Variants in SOX5 observed in about 807,000 individuals in gnomAD.
SOX5 encodes the protein transcription factor SOX-5.
Under a neutral mutation model 92.0 loss-of-function variants are expected in SOX5, and 9 were observed. The ratio of observed to expected loss-of-function variants is 0.10; its 90% CI spans 0.06 to 0.17. SOX5 has a LOEUF of 0.17. Ranked by LOEUF, SOX5 falls within the 10% of genes least tolerant of loss-of-function variation. SOX5 has a pLI of 1.00. For missense variants in SOX5, 642 were observed against 944.5 expected, an observed-to-expected ratio of 0.68 and a Z score of 4.20; for synonymous variants, 344 against 336.3, an observed-to-expected ratio of 1.02 and a Z score of -0.25.
intron 3 of SOX5, among the ~76,000 whole-genome samples, chr12:23,782,167 T>C (rs2095293843): frequency 1.3e-5 from 2 of 152,078 alleles, no homozygotes. Context: ...AAACAAACTA[T>C]AGAGCTATAA....
chr12:24,267,436 A>G (rs977071828), intron 3 of SOX5, among the ~76,000 whole-genome samples: 3 of 152,206 alleles, frequency 2.0e-5, no homozygotes, highest in African/African-American at 4.8e-5. Flanking sequence ...AACACAATTC[A>G]TAATTATGAA....
chr12:23,560,103 G>T (rs1280012104), intron 11 of SOX5, among the ~76,000 whole-genome samples: 1 of 152,082 alleles, frequency 6.6e-6, no homozygotes, highest in Non-Finnish European at 1.5e-5. Flanking sequence ...TAGAGACAAG[G>T]TTTCACCACG....
chr12:23,982,093 A>G (rs1949625264), intron 4 of SOX5, among the ~76,000 whole-genome samples: 1 of 152,196 alleles, frequency 6.6e-6, no homozygotes, highest in South Asian at 2.1e-4. Context: ...TCTCCTTGAG[A>G]AGGAATTGGG....
intron 6 of SOX5, among the ~76,000 whole-genome samples, chr12:23,702,711 T>C (rs1243557556): frequency 7.9e-5 from 12 of 151,992 alleles, no homozygotes; most frequent in Admixed American, 7.9e-4. Context: ...AGTGAGCTAA[T>C]CTTATGCTGA....
chr12:23,969,306 C>G (rs906382049), intron 4 of SOX5, among the ~76,000 whole-genome samples: 1 of 149,336 alleles, frequency 6.7e-6, no homozygotes. Flanking sequence ...ACTCTATCCA[C>G]TCTTGCCCTC....
intron 9 of SOX5, chr12:23,582,140 A>C: frequency 1.0e-6 from 1 of 985,114 alleles, no homozygotes; most frequent in Non-Finnish European, 1.2e-6. Flanking sequence ...GAATTGCATA[A>C]TGTGCACTGT....
chr12:24,174,312 T>G (rs1954557293), intron 4 of SOX5, among the ~76,000 whole-genome samples: 2 of 152,204 alleles, frequency 1.3e-5, no homozygotes, highest in African/African-American at 2.4e-5. Flanking sequence ...ATCTGAGTTT[T>G]GACAAACTTC....
At chr12:23,844,185 G>T (rs948382677) in intron 3 of SOX5, among the ~76,000 whole-genome samples, 5 of 152,270 alleles carry the variant, frequency 3.3e-5, no homozygotes, top group Admixed American at 2.6e-4. Context: ...TCTTGATTGC[G>T]TGGCTGACTG....
intron 4 of SOX5, among the ~76,000 whole-genome samples, chr12:24,028,491 T>G (rs983784226): frequency 2.7e-4 from 41 of 152,044 alleles, no homozygotes; most frequent in African/African-American, 9.4e-4. Context: ...CATAAGGAGA[T>G]GTCGCACCTT....
intron 7 of SOX5, 64 bp downstream of exon 7, chr12:23,665,380 T>TA: frequency 1.3e-6 from 2 of 1,571,182 alleles, no homozygotes; most frequent in South Asian, 2.2e-5. Flanking sequence ...GCAGGAATAT[T>TA]AAATTGCCTA....
intron 2 of SOX5, among the ~76,000 whole-genome samples, chr12:23,889,541 C>T (rs752131870): frequency 6.6e-6 from 1 of 152,124 alleles, no homozygotes; most frequent in Non-Finnish European, 1.5e-5. Flanking sequence ...AATAAAGCAT[C>T]CCAGGAGCTG....
intron 3 of SOX5, among the ~76,000 whole-genome samples, chr12:24,258,337 G>A (rs1051316465): frequency 8.5e-5 from 13 of 152,124 alleles, no homozygotes; most frequent in East Asian, 5.8e-4. Flanking sequence ...CCTTTGAGCA[G>A]CAATGAAAAA....
chr12:24,030,818 T>C (rs1955421131), intron 4 of SOX5, among the ~76,000 whole-genome samples: 1 of 151,972 alleles, frequency 6.6e-6, no homozygotes, highest in African/African-American at 2.4e-5. Context: ...ATATTTAAAA[T>C]ATATCAGGAA....
intron 4 of SOX5, among the ~76,000 whole-genome samples, chr12:24,065,224 G>C (rs962983138): frequency 2.0e-5 from 3 of 152,120 alleles, no homozygotes; most frequent in African/African-American, 7.2e-5. Context: ...TTGTCCTCCA[G>C]TTCTTACCTA....
intron 2 of SOX5, among the ~76,000 whole-genome samples, chr12:24,345,594 G>T (rs1282916674): frequency 6.6e-6 from 1 of 152,100 alleles, no homozygotes; most frequent in South Asian, 2.1e-4. Flanking sequence ...ATTATCAGAG[G>T]TAGTTTTAAT....
chr12:23,964,121 C>T (rs542614832), intron 4 of SOX5, among the ~76,000 whole-genome samples: 3 of 151,892 alleles, frequency 2.0e-5, no homozygotes, highest in African/African-American at 2.4e-5. Flanking sequence ...AGTTTGATAG[C>T]GTCACACCAA....
chr12:24,018,606 A>G (rs1345371598), intron 4 of SOX5, among the ~76,000 whole-genome samples: 1 of 152,006 alleles, frequency 6.6e-6, no homozygotes, highest in Non-Finnish European at 1.5e-5. Context: ...GATCACCCTG[A>G]CCAACATGGC....
chr12:23,776,072 G>A (rs1292751021), intron 3 of SOX5, among the ~76,000 whole-genome samples: 1 of 152,162 alleles, frequency 6.6e-6, no homozygotes, highest in African/African-American at 2.4e-5. Context: ...ACTGAATTAA[G>A]TAATGCTAAT....
intron 4 of SOX5, among the ~76,000 whole-genome samples, chr12:24,005,758 T>C (rs1952086969): frequency 6.6e-6 from 1 of 152,194 alleles, no homozygotes; most frequent in Non-Finnish European, 1.5e-5. Flanking sequence ...ATGTCACAGA[T>C]ACAGCTGTCA....
Sources: gnomAD v4.1 joint callset for allele counts (sites outside exome capture counted in the v4.1 genomes callset) on GRCh38, gnomAD v4.1.1 for gene constraint, MANE v1.5 for transcripts, NCBI Gene and HGNC (gene_info 2026-07-23, HGNC 2026-07-21) for gene names.